Variants in FOXO1 observed in about 807,000 individuals in gnomAD.
FOXO1 encodes the protein forkhead box O1.
FOXO1 carries 6 observed loss-of-function variants against 44.1 expected under a neutral mutation model. That is an observed-to-expected ratio of 0.14 (90% CI 0.07 to 0.27). The LOEUF is 0.27. Among genes scored for constraint, FOXO1 ranks in the 10% least tolerant of loss-of-function variants. The pLI is 1.00. For synonymous variants in FOXO1, 380 were observed against 362.7 expected (o/e 1.05, Z -0.54); for missense variants, 737 against 888.8 (o/e 0.83, Z 2.17).
At chr13:40,627,540 A>G (rs1876824611) in intron 1 of FOXO1, among the ~76,000 whole-genome samples, 1 of 152,120 alleles carries the variant, frequency 6.6e-6, no homozygotes, top group Non-Finnish European at 1.5e-5. Flanking sequence ...TGTATTAACA[A>G]TAACTTTCCT....
At chr13:40,643,174 T>C (rs1341192675) in intron 1 of FOXO1, among the ~76,000 whole-genome samples, 1 of 151,860 alleles carries the variant, frequency 6.6e-6, no homozygotes, top group Admixed American at 6.6e-5. Context: ...AAACCCCGTC[T>C]CTACTAAAAA....
intron 1 of FOXO1, among the ~76,000 whole-genome samples, chr13:40,629,092 T>G (rs1876878482): frequency 6.6e-6 from 1 of 152,110 alleles, no homozygotes; most frequent in Non-Finnish European, 1.5e-5. Flanking sequence ...TGGATCACAA[T>G]GGTTGAAGAG....
chr13:40,619,575 T>C (rs1331791621), intron 1 of FOXO1: 4 of 1,440,930 alleles, frequency 2.8e-6, no homozygotes, highest in Non-Finnish European at 3.9e-6. Context: ...TTTCAGATAG[T>C]AACAGAGATC....
chr13:40,603,822 A>G (rs1875897810), intron 1 of FOXO1, among the ~76,000 whole-genome samples: 1 of 152,210 alleles, frequency 6.6e-6, no homozygotes, highest in Non-Finnish European at 1.5e-5. Context: ...TTAATAACTA[A>G]CTTTTTCTTA....
chr13:40,587,680 C>T (rs2137860404), intron 1 of FOXO1, among the ~76,000 whole-genome samples: 1 of 152,316 alleles, frequency 6.6e-6, no homozygotes, highest in Admixed American at 6.5e-5. Flanking sequence ...CACATCTGCT[C>T]TTCCTGCCTG....
chr13:40,628,356 T>TACACACACACACACACACACAC (rs34314244), intron 1 of FOXO1, among the ~76,000 whole-genome samples: 30 of 145,198 alleles, frequency 2.1e-4, no homozygotes, highest in Non-Finnish European at 1.8e-4. Context: ...AAGAGCTGTT[T>TACACACACACACACACACACAC]ACACACACAC....
At chr13:40,637,968 C>A (rs1877216611) in intron 1 of FOXO1, among the ~76,000 whole-genome samples, 1 of 152,152 alleles carries the variant, frequency 6.6e-6, no homozygotes, top group South Asian at 2.1e-4. Flanking sequence ...ACTGGAGGCA[C>A]CACACTTAGG....
intron 1 of FOXO1, among the ~76,000 whole-genome samples, chr13:40,623,477 T>C (rs1758516746): frequency 6.6e-6 from 1 of 152,202 alleles, no homozygotes; most frequent in African/African-American, 2.4e-5. Context: ...CAAGTTAGAA[T>C]GCTGGGTTTG....
chr13:40,565,312 G>C (rs1264206498), intron 1 of FOXO1, among the ~76,000 whole-genome samples: 1 of 152,132 alleles, frequency 6.6e-6, no homozygotes, highest in Admixed American at 6.5e-5. Context: ...GAGAAAATAA[G>C]TACACGTAAA....
intron 1 of FOXO1, among the ~76,000 whole-genome samples, chr13:40,662,121 A>T (rs1014366401): frequency 7.2e-6 from 1 of 138,984 alleles, no homozygotes; most frequent in Admixed American, 7.7e-5. Flanking sequence ...CAGCAAGCCG[A>T]GATTGCGCCA....
At chr13:40,583,979 A>G (rs1284016147) in intron 1 of FOXO1, among the ~76,000 whole-genome samples, 2 of 151,706 alleles carry the variant, frequency 1.3e-5, no homozygotes, top group East Asian at 3.9e-4. Context: ...AGATGGTGTG[A>G]CTCTTCCTTT....
At chr13:40,660,736 C>T (rs1878007132) in intron 1 of FOXO1, among the ~76,000 whole-genome samples, 1 of 152,124 alleles carries the variant, frequency 6.6e-6, no homozygotes, top group Admixed American at 6.6e-5. Flanking sequence ...TTCAAGTTTA[C>T]ATGAGAATTA....
intron 1 of FOXO1, among the ~76,000 whole-genome samples, chr13:40,652,597 A>G (rs1877721524): frequency 6.6e-6 from 1 of 152,200 alleles, no homozygotes; most frequent in South Asian, 2.1e-4. Context: ...TCTCTGATAC[A>G]AAATTATGGT....
In FOXO1 at chr13:40,557,871, G is replaced by C. The variant is rs1434874229; in HGVS notation, c.*1178C>G. ...CCTCCCAGGACTACAGAGGTCTCTA[G>C]AGAAGACTTGATGCTATGCAGTACG... is the stretch of plus-strand genomic sequence containing the variant. On this transcript the variant is annotated 3_prime_UTR_variant, in exon 3 of 3. Transcript: ENST00000379561. 5 of 152,204 alleles carry C rather than the reference G, an allele frequency of 3.3e-5. No homozygotes were observed. The highest frequency in any genetic ancestry group is 7.2e-5 in the African/African-American group (3 of 41,462). The allele number at this position is 152,204 out of a possible 1,614,324, so 9.4% of individuals were successfully genotyped here.
chr13:40,560,532 T>C lies in FOXO1; in HGVS notation c.959A>G (p.Asn320Ser), dbSNP rs1873964920. ...WSTFRPRTSS[N>S]ASTISGRLSP... Reference sequence around the variant, plus strand: ...GAGTCTCCCACTAATAGTACTAGCATTTGAGCTAGTTCGAGGGCGAAATGT... The same window carrying C: ...GAGTCTCCCACTAATAGTACTAGCACTTGAGCTAGTTCGAGGGCGAAATGT... The change falls in exon 2 of 3, where the codon AAT becomes AGT. Residue 320 changes from asparagine to serine, a missense_variant. Transcript: ENST00000379561. This position sits in a 1 kb window ranked among gnomAD's most constrained non-coding sequence, Gnocchi z 5.1. 6.2e-7 allele frequency: 1 copy of C among 1,614,008 alleles called. No homozygotes were observed. Among genetic ancestry groups the C allele is most frequent in the Non-Finnish European group, 8.5e-7 (1 of 1,179,858 alleles).
intron 1 of FOXO1, among the ~76,000 whole-genome samples, chr13:40,584,163 A>AT (rs1013053462): frequency 5.3e-5 from 8 of 151,918 alleles, no homozygotes; most frequent in East Asian, 1.9e-4. Context: ...GGGTATTAGA[A>AT]TTTTTTTTAA....
rs747509005 is a variant in FOXO1, at chr13:40,559,493, A to T, written c.*14+16T>A. On this transcript the variant is annotated intron_variant, in intron 2 of 2. Transcript: ENST00000379561. ...TCTATTTTTCAAAAGGTCTTTTGAT[A>T]TTGGGGTGAACTTACCTGCTCACTA... 1 of 1,532,492 alleles carries T rather than the reference A, an allele frequency of 6.5e-7. No individual in the cohort carries two copies. Among genetic ancestry groups the T allele is most frequent in the African/African-American group, 1.4e-5 (1 of 72,156 alleles). 94.9% of individuals were successfully genotyped at this position (1,532,492 alleles called of 1,614,324 possible).
intron 1 of FOXO1, among the ~76,000 whole-genome samples, chr13:40,597,019 T>C (rs1875604107): frequency 6.6e-6 from 1 of 152,210 alleles, no homozygotes; most frequent in Non-Finnish European, 1.5e-5. Flanking sequence ...GAAGAATGTG[T>C]CCTTCATGAG....
chr13:40,559,574 T>C lies in FOXO1; in HGVS notation c.1917A>G (p.Gln639=), dbSNP rs1221533835. The C allele has an allele frequency of 1.2e-6, 2 of 1,612,884 alleles. No homozygotes were observed. The highest frequency in any genetic ancestry group is 1.7e-5 in the Admixed American group (1 of 59,952). ...TTGTCTTGACACTGTGTGGGAAGCT[T>C]TGGTTGGGCAACACATTGTCAAAGT... ...DFNFDNVLPN[Q]SFPHSVKTTT... is the part of the protein sequence containing the mutation. Residue 639 remains glutamine (Q), a synonymous_variant, in exon 2 of 3, where the codon CAA becomes CAG. Transcript: ENST00000379561.
Sources: allele counts gnomAD v4.1 joint callset (sites outside exome capture counted in the v4.1 genomes callset), GRCh38; gene constraint gnomAD v4.1.1; non-coding constraint Gnocchi (gnomAD v3.1); transcripts MANE v1.5; gene names NCBI Gene and HGNC (gene_info 2026-07-23, HGNC 2026-07-21).